Variants in POF1B observed in about 807,000 individuals in gnomAD.
The protein encoded by POF1B is POF1B actin binding protein, also known as protein POF1B.
POF1B carries 53 observed loss-of-function variants against 55.3 expected under a neutral mutation model. The observed-to-expected ratio is 0.96, with a 90% CI of 0.77 to 1.20. The LOEUF (loss-of-function observed/expected upper bound fraction) is 1.20, where lower values mean the gene tolerates loss of function less well. Among genes scored for constraint, POF1B ranks in the 50% most tolerant of loss-of-function variants. POF1B has a pLI of 0.00. For missense variants in POF1B, 478 were observed against 420.5 expected (o/e 1.14, Z -1.20); for synonymous variants, 188 against 148.3 (o/e 1.27, Z -1.95).
At position 85,359,472 on chromosome X, in the gene POF1B, T is replaced by A. The variant is rs1052532928; in HGVS notation, c.438+78A>T. On this transcript the variant is annotated intron_variant, in intron 4 of 16. Transcript: ENST00000262753. Reference sequence around the variant, plus strand: ...AAGTCCAACAATCTGATCTTAAGGATCTGGTAACTGATTAAGCCTTTTTGT... The same window carrying A: ...AAGTCCAACAATCTGATCTTAAGGAACTGGTAACTGATTAAGCCTTTTTGT... 6 of 694,235 alleles carry A rather than the reference T, an allele frequency of 8.6e-6. 1 individual carries two copies. The African/African-American group carries it at 1.3e-4, about 15-fold the overall frequency. 57.2% of individuals were successfully genotyped at this position (694,235 alleles called of 1,213,427 possible).
chrX:85,359,446 A>G, intron 4 of POF1B, 104 bp downstream of exon 4: 1 of 574,849 alleles, frequency 1.7e-6, no homozygotes, highest in South Asian at 2.6e-5. Context: ...TAACTGTAAG[A>G]AAGTCCAACA....
At chrX:85,303,341 C>T (rs1932499101) in intron 15 of POF1B, 65 bp downstream of exon 15, 1 of 776,357 alleles carries the variant, frequency 1.3e-6, no homozygotes, top group African/African-American at 2.2e-5. Flanking sequence ...ACCAATTAAA[C>T]ATGAAATAAC....
intron 7 of POF1B, among the ~76,000 whole-genome samples, chrX:85,328,381 T>C (rs1932925059): frequency 9.1e-6 from 1 of 109,364 alleles, no homozygotes; most frequent in South Asian, 3.9e-4. Flanking sequence ...ATTTTTTGTA[T>C]TTTTAGTAGA....
intron 7 of POF1B, 40 bp downstream of exon 7, chrX:85,330,909 G>T: frequency 1.8e-6 from 2 of 1,101,804 alleles, no homozygotes; most frequent in East Asian, 3.3e-5. Context: ...TAAAATGTTT[G>T]GTAGCTACAA....
chrX:85,379,039 A>G lies in POF1B; in HGVS notation c.282+134T>C, dbSNP rs1933966991. Reference sequence around the variant, plus strand: ...AACAGCCAAGAGATGAATTTGGGTGACTATCCAAGGCATATATAACTGCAA... The same window carrying G: ...AACAGCCAAGAGATGAATTTGGGTGGCTATCCAAGGCATATATAACTGCAA... On this transcript the variant is annotated intron_variant, in intron 2 of 16. Transcript: ENST00000262753. 8 of 708,004 alleles carry G rather than the reference A, an allele frequency of 1.1e-5. No homozygotes were observed. The South Asian group carries it at 2.0e-4, about 18-fold the overall frequency. The allele number at this position is 708,004 out of a possible 1,213,427, so 58.3% of individuals were successfully genotyped here.
chrX:85,353,686 T>A (rs1259755691), intron 4 of POF1B, among the ~76,000 whole-genome samples: 1 of 110,799 alleles, frequency 9.0e-6, no homozygotes, highest in African/African-American at 3.3e-5. Context: ...GTTCAATGCA[T>A]AGGTGAAAAC....
At chrX:85,295,085 G>T (rs1932280526) in intron 15 of POF1B, among the ~76,000 whole-genome samples, 1 of 111,359 alleles carries the variant, frequency 9.0e-6, no homozygotes, top group Non-Finnish European at 1.9e-5. Context: ...TTTTATTTCT[G>T]ATTATGCTTA....
At position 85,292,898 on chromosome X, in the gene POF1B, A is replaced by T. The variant is rs555243334; in HGVS notation, c.1649+10508T>A. ...GAACAGATACTTTTCAAAAGAAGAC[A>T]TATATGTGGCCAATAAGCATATGAT... On this transcript the variant is annotated intron_variant, in intron 15 of 16. Transcript: ENST00000262753. Among the ~76,000 whole-genome samples the T allele has an allele frequency of 2.5e-4, 28 of 112,317 alleles. No homozygotes were observed. The South Asian group carries it at 1.0e-2, about 40-fold the overall frequency.
intron 6 of POF1B, among the ~76,000 whole-genome samples, chrX:85,342,577 G>A (rs142006514): frequency 0.011 from 1,179 of 111,303 alleles, 12 homozygotes; most frequent in Middle Eastern, 0.023. Context: ...CTGAGGTTCC[G>A]TCCAGCTAAG....
chrX:85,372,711 C>T (rs1933849586), intron 2 of POF1B, among the ~76,000 whole-genome samples: 1 of 101,518 alleles, frequency 9.9e-6, no homozygotes, highest in African/African-American at 3.6e-5. Flanking sequence ...TACCCCAGAA[C>T]TTAAAGTATA....
intron 15 of POF1B, among the ~76,000 whole-genome samples, chrX:85,298,520 C>A (rs1285091073): frequency 1.8e-5 from 2 of 111,869 alleles, no homozygotes; most frequent in Non-Finnish European, 3.8e-5. Flanking sequence ...GTTTTCCCAG[C>A]TTTCTCCCTA....
intron 6 of POF1B, among the ~76,000 whole-genome samples, chrX:85,334,427 C>A (rs1477419207): frequency 5.4e-5 from 6 of 111,262 alleles, no homozygotes; most frequent in Non-Finnish European, 1.1e-4. Context: ...TAAACATATA[C>A]GGATACACAA....
chrX:85,329,536 C>G (rs73513672), intron 7 of POF1B, among the ~76,000 whole-genome samples: 2,926 of 110,563 alleles, frequency 0.026, 103 homozygotes, highest in African/African-American at 0.091. Context: ...AGCCACCACA[C>G]TATGCACCAA....
intron 7 of POF1B, among the ~76,000 whole-genome samples, chrX:85,324,004 T>C (rs2147919985): frequency 8.9e-6 from 1 of 112,392 alleles, no homozygotes; most frequent in East Asian, 2.8e-4. Context: ...GGTTGTTTCA[T>C]TTCCATTTAA....
intron 6 of POF1B, among the ~76,000 whole-genome samples, chrX:85,335,447 T>G (rs2147928086): frequency 9.0e-6 from 1 of 111,635 alleles, no homozygotes; most frequent in East Asian, 2.8e-4. Context: ...GATTCAAACA[T>G]AGTTAATCCA....
intron 15 of POF1B, among the ~76,000 whole-genome samples, chrX:85,284,345 C>T (rs1174955809): frequency 9.0e-6 from 1 of 111,361 alleles, no homozygotes; most frequent in African/African-American, 3.3e-5. Context: ...CCCACATTAC[C>T]AAGAAAAACC....
intron 2 of POF1B, among the ~76,000 whole-genome samples, chrX:85,378,599 G>A (rs770220056): frequency 1.4e-4 from 16 of 111,552 alleles, no homozygotes; most frequent in Non-Finnish European, 3.0e-4. Flanking sequence ...CTTTCTACAA[G>A]TATTCCATAA....
Position 85,330,860 on chromosome X carries a change from C to G in POF1B, c.854+89G>C, listed in dbSNP as rs922244228. ...AAAGTACTAGAGTTTTTGCTGTGAA[C>G]CTAAAACTGAAGTCTATTTTTAAAG... On this transcript the variant is annotated intron_variant, in intron 7 of 16. Coordinates refer to ENST00000262753, the MANE Select transcript of POF1B (RefSeq NM_024921.4). 23 of 911,408 alleles carry G rather than the reference C, an allele frequency of 2.5e-5. No individual in the cohort carries two copies. In the Admixed American group the frequency reaches 8.9e-4, roughly 35 times the overall value. 75.1% of individuals were successfully genotyped at this position (911,408 alleles called of 1,213,427 possible).
chrX:85,342,638 G>A (rs1019042359), intron 6 of POF1B, among the ~76,000 whole-genome samples: 1 of 111,585 alleles, frequency 9.0e-6, no homozygotes, highest in East Asian at 2.8e-4. Context: ...TATAAATTCA[G>A]ATAATTAAAT....
Sources: allele counts gnomAD v4.1 joint callset (sites outside exome capture counted in the v4.1 genomes callset), GRCh38; gene constraint gnomAD v4.1.1; transcripts MANE v1.5; gene names NCBI Gene and HGNC (gene_info 2026-07-23, HGNC 2026-07-21).